ZNF729: variants seen among roughly 807,000 people sequenced by gnomAD.
ZNF729 encodes the protein zinc finger protein 729.
In ZNF729, 15 loss-of-function variants were observed where a neutral mutation model predicts 12.2. That is an observed-to-expected ratio of 1.23 (90% CI 0.82 to 1.89). ZNF729 has a LOEUF of 1.89. ZNF729 is among the 40% of genes most tolerant of loss of function. The probability of loss-of-function intolerance (pLI) is 0.00; values close to 1 mark genes in which losing one functional copy is unlikely to be tolerated. For synonymous variants in ZNF729, 492 were observed against 476.3 expected, an observed-to-expected ratio of 1.03 and a Z score of -0.43; for missense variants, 1,540 against 1,456.7, an observed-to-expected ratio of 1.06 and a Z score of -0.93.
intron 1 of ZNF729, among the ~76,000 whole-genome samples, chr19:22,295,515 C>G: frequency 6.6e-6 from 1 of 151,912 alleles, no homozygotes; most frequent in Non-Finnish European, 1.5e-5. Context: ...CTCAGCCTCC[C>G]GAGTAGCTGG....
At chr19:22,305,582 T>C (rs769623952) in intron 3 of ZNF729, among the ~76,000 whole-genome samples, 5 of 152,094 alleles carry the variant, frequency 3.3e-5, no homozygotes, top group Non-Finnish European at 7.4e-5. Flanking sequence ...TTATATAATA[T>C]CAATTTTTGT....
intron 1 of ZNF729, among the ~76,000 whole-genome samples, chr19:22,296,416 G>GGT (rs1377253949): frequency 6.6e-6 from 1 of 152,128 alleles, no homozygotes; most frequent in East Asian, 1.9e-4. Context: ...TGTGCAGACA[G>GGT]GTGTTCATAG....
At chr19:22,299,722 A>G (rs1441220977) in intron 1 of ZNF729, 2 of 152,394 alleles carry the variant, frequency 1.3e-5, no homozygotes, top group Admixed American at 1.3e-4. Flanking sequence ...TAATGTTGGA[A>G]ATCCAGCAGT....
In ZNF729 at chr19:22,315,093, T is replaced by C; in HGVS notation, c.1676T>C (p.Leu559Pro). Residue 559 changes from leucine to proline, a missense_variant, in exon 4 of 4, where the codon CTT (leucine) becomes CCT (proline). Physicochemically the swap from Leu to Pro is moderately conservative, Grantham distance 98. Transcript: ENST00000601693. ...CGKAFKWSSKLTVHKVIHTGE... is the reference protein window; with the variant it reads ...CGKAFKWSSKPTVHKVIHTGE... ...AAAGCTTTTAAGTGGTCATCAAAAC[T>C]TACTGTACATAAGGTAATTCATACT... The C allele has an allele frequency of 6.2e-7, 1 of 1,610,848 alleles. No individual in the cohort carries two copies. Among genetic ancestry groups the C allele is most frequent in the Non-Finnish European group, 8.5e-7 (1 of 1,179,602 alleles).
At chr19:22,312,151 T>A (rs1968458094) in intron 3 of ZNF729, among the ~76,000 whole-genome samples, 1 of 152,164 alleles carries the variant, frequency 6.6e-6, no homozygotes, top group African/African-American at 2.4e-5. Flanking sequence ...TGTGTTCCTG[T>A]TTCTCTCATT....
chr19:22,304,319 G>A (rs537389332), intron 2 of ZNF729, among the ~76,000 whole-genome samples: 13 of 152,226 alleles, frequency 8.5e-5, no homozygotes, highest in Middle Eastern at 3.4e-3. Context: ...GATTACAGGC[G>A]TGAGCCACCG....
At chr19:22,305,854 G>A (rs906852306) in intron 3 of ZNF729, among the ~76,000 whole-genome samples, 12 of 152,046 alleles carry the variant, frequency 7.9e-5, no homozygotes, top group Admixed American at 7.9e-4. Flanking sequence ...AGGCTGGTTT[G>A]CAATGGTGTG....
At position 22,314,988 on chromosome 19, in the gene ZNF729, CT is replaced by C; in HGVS notation, c.1575del (p.Phe525LeufsTer12). 6.2e-7 allele frequency: 1 copy of C among 1,611,872 alleles called. No individual in the cohort carries two copies. Among genetic ancestry groups the C allele is most frequent in the Non-Finnish European group, 8.5e-7 (1 of 1,179,698 alleles). ...TACAAATGTGAAGAATGTGGGAAAG[CT>C]TTTAGCCAGTCCTCAACCCTTAGAA... is the stretch of plus-strand genomic sequence containing the variant. Reference protein sequence around the residue: ...KPYKCEECGKAFSQSSTLRNH... With the variant: ...KPYKCEECGKXFSQSSTLRNH... On this transcript the variant is annotated frameshift_variant, in exon 4 of 4. Transcript: ENST00000601693. LOFTEE classifies it low-confidence loss of function (END_TRUNC).
At chr19:22,297,837 C>T (rs1968249065) in intron 1 of ZNF729, among the ~76,000 whole-genome samples, 1 of 151,674 alleles carries the variant, frequency 6.6e-6, no homozygotes, top group African/African-American at 2.4e-5. Flanking sequence ...AACTCCGTCT[C>T]TACTAAAAAT....
In ZNF729 at chr19:22,289,264, C is replaced by T. The variant is rs1483700073; in HGVS notation, c.30+2709C>T. Among the ~76,000 whole-genome samples, 40 of 144,814 alleles carry T rather than the reference C, an allele frequency of 2.8e-4. 1 individual carries two copies. Among genetic ancestry groups the T allele is most frequent in the African/African-American group, 8.0e-4 (31 of 38,518 alleles). ...TTTTTGAGACCAAGTCTCACTCTGTCGCCCAGACTGGAGTGCAGTGGCGCA... is the reference window on the plus strand; with the variant it reads ...TTTTTGAGACCAAGTCTCACTCTGTTGCCCAGACTGGAGTGCAGTGGCGCA... On this transcript the variant is annotated intron_variant, in intron 1 of 3. Transcript: ENST00000601693.
chr19:22,287,347 A>G (rs1379692607), intron 1 of ZNF729, among the ~76,000 whole-genome samples: 2 of 150,400 alleles, frequency 1.3e-5, no homozygotes, highest in African/African-American at 4.9e-5. Context: ...TCTCGGTGCA[A>G]CCTCCGCCTC....
chr19:22,305,680 T>C (rs1410277969), intron 3 of ZNF729, among the ~76,000 whole-genome samples: 2 of 152,172 alleles, frequency 1.3e-5, no homozygotes, highest in African/African-American at 2.4e-5. Flanking sequence ...GCATGAAATA[T>C]AAAGTTTTTA....
rs199936769 is a variant in ZNF729 at position 22,315,651 on chromosome 19, G to A, written c.2234G>A (p.Cys745Tyr). 5.0e-6 allele frequency: 8 copies of A among 1,608,722 alleles called. No individual in the cohort carries two copies. Among genetic ancestry groups the A allele is most frequent in the Non-Finnish European group, 6.8e-6 (8 of 1,179,294 alleles). The change falls in exon 4 of 4, where the codon TGT becomes TAT. Residue 745 changes from cysteine to tyrosine, a missense_variant. By Grantham distance (194) the Cys-to-Tyr change is radical. Coordinates refer to ENST00000601693, the MANE Select transcript of ZNF729 (RefSeq NM_001242680.2). ...TAEKPCKCEECGKSFKHFSAL... is the reference protein window; with the variant it reads ...TAEKPCKCEEYGKSFKHFSAL... ...GAGAAACCCTGCAAATGTGAAGAATGTGGCAAATCTTTTAAGCATTTCTCA... is the reference window on the plus strand; with the variant it reads ...GAGAAACCCTGCAAATGTGAAGAATATGGCAAATCTTTTAAGCATTTCTCA...
rs1246038264 is a variant in ZNF729 at position 22,294,996 on chromosome 19, TAGAGA to T, written c.30+8442_30+8446del. On this transcript the variant is annotated intron_variant, in intron 1 of 3. Transcript: ENST00000601693. ...AAGCAGTGTTTTGTGATTCTTGACA[TAGAGA>T]TCTTTCACTTCTCTGGTTAGGTGTA... Among the ~76,000 whole-genome samples, 137 of 151,590 alleles carry T rather than the reference TAGAGA, an allele frequency of 9.0e-4. 2 individuals carry two copies. Among genetic ancestry groups the T allele is most frequent in the Non-Finnish European group, 4.4e-5 (3 of 67,924 alleles).
At chr19:22,295,089 TTG>T (rs1000821410) in intron 1 of ZNF729, among the ~76,000 whole-genome samples, 1 of 145,746 alleles carries the variant, frequency 6.9e-6, no homozygotes, top group African/African-American at 2.6e-5. Flanking sequence ...GTGAAGGGGA[TTG>T]TGTTTTTGAT....
In ZNF729 at chr19:22,316,387, A is replaced by G; in HGVS notation, c.2970A>G (p.Lys990=). 2 of 1,613,710 alleles carry G rather than the reference A, an allele frequency of 1.2e-6. No homozygotes were observed. Among genetic ancestry groups the G allele is most frequent in the Non-Finnish European group, 1.7e-6 (2 of 1,179,754 alleles). Residue 990 remains lysine, a synonymous_variant, in exon 4 of 4, where the codon AAA becomes AAG. Transcript: ENST00000601693. ...TRHKAIHTGE[K]PYKCEECGKD... is the part of the protein sequence containing the mutation. The stretch of plus-strand genomic sequence containing the variant: ...ATAAAGCAATTCATACTGGGGAGAA[A>G]CCCTACAAATGCGAAGAATGTGGCA...
chr19:22,295,493 C>G (rs1466912517), intron 1 of ZNF729, among the ~76,000 whole-genome samples: 1 of 151,796 alleles, frequency 6.6e-6, no homozygotes, highest in East Asian at 1.9e-4. Flanking sequence ...CGTGTTCACG[C>G]CATTCTCCTG....
chr19:22,317,058 A>C lies in ZNF729; in HGVS notation c.3641A>C (p.Lys1214Thr), dbSNP rs1402804897. 1.2e-6 allele frequency: 2 copies of C among 1,607,412 alleles called. No individual in the cohort carries two copies. The highest frequency in any genetic ancestry group is 1.7e-6 in the Non-Finnish European group (2 of 1,178,020). The change falls in exon 4 of 4, where the codon AAA (lysine) becomes ACA (threonine). Residue 1214 changes from lysine (K) to threonine (T), a missense_variant. Coordinates refer to ENST00000601693, the MANE Select transcript of ZNF729 (RefSeq NM_001242680.2). The stretch of plus-strand genomic sequence containing the variant: ...CATAAAACAATTCATACCAGAGAGA[A>C]ACCTACAAATGTGAAGAAAGTACCA... Reference protein sequence around the residue: ...IRHKTIHTREKPTNVKKVPKL... With the variant: ...IRHKTIHTRETPTNVKKVPKL...
intron 1 of ZNF729, among the ~76,000 whole-genome samples, chr19:22,300,404 G>A (rs1453554470): frequency 6.6e-6 from 1 of 152,116 alleles, no homozygotes; most frequent in African/African-American, 2.4e-5. Context: ...GTTCTATTGT[G>A]GAGTTTCTCT....
Sources: allele counts gnomAD v4.1 joint callset (sites outside exome capture counted in the v4.1 genomes callset), GRCh38; gene constraint gnomAD v4.1.1; transcripts MANE v1.5; gene names NCBI Gene and HGNC (gene_info 2026-07-23, HGNC 2026-07-21).